Variants in SPAG16 observed in about 807,000 individuals in gnomAD.
SPAG16 encodes sperm-associated antigen 16 protein.
In SPAG16, 86 loss-of-function variants were observed where a neutral mutation model predicts 80.4. The ratio of observed to expected loss-of-function variants is 1.07; its 90% CI spans 0.90 to 1.28. The LOEUF (loss-of-function observed/expected upper bound fraction) is 1.28, where lower values mean the gene tolerates loss of function less well. Ranked by LOEUF, SPAG16 falls within the 50% of genes most tolerant of loss-of-function variation. The pLI is 0.00. For synonymous variants in SPAG16, 294 were observed against 265.9 expected (o/e 1.11, Z -1.03); for missense variants, 870 against 765.3 (o/e 1.14, Z -1.61).
chr2:213,851,466 C>CACTG (rs2074903359), intron 10 of SPAG16, among the ~76,000 whole-genome samples: 1 of 152,138 alleles, frequency 6.6e-6, no homozygotes, highest in Non-Finnish European at 1.5e-5. Context: ...CAAGATTGCG[C>CACTG]CACTGCACTC....
chr2:213,430,059 C>A (rs1031988836), intron 9 of SPAG16, among the ~76,000 whole-genome samples: 6 of 151,994 alleles, frequency 3.9e-5, no homozygotes, highest in African/African-American at 1.5e-4. Flanking sequence ...CAATGAGTTG[C>A]AAGAGAAATC....
At chr2:213,505,901 T>C (rs1239378938) in intron 10 of SPAG16, among the ~76,000 whole-genome samples, 2 of 151,786 alleles carry the variant, frequency 1.3e-5, no homozygotes, top group Non-Finnish European at 2.9e-5. Context: ...CTTGTTTATA[T>C]ATCTGATTAA....
intron 14 of SPAG16, among the ~76,000 whole-genome samples, chr2:214,127,925 A>G (rs2054576447): frequency 6.6e-6 from 1 of 151,976 alleles, no homozygotes; most frequent in Non-Finnish European, 1.5e-5. Context: ...GTGGTGAGAT[A>G]GAAACAGACT....
Position 213,864,201 on chromosome 2 carries a change from G to A in SPAG16, c.1214+1573G>A, listed in dbSNP as rs148723885. Reference sequence around the variant, plus strand: ...CTTGTATGCAAACCAACACTAAATAGCAAATGAATATGAAAAAATATATAT... The same window carrying A: ...CTTGTATGCAAACCAACACTAAATAACAAATGAATATGAAAAAATATATAT... On this transcript the variant is annotated intron_variant, in intron 11 of 15. Transcript: ENST00000331683. 2.6e-3 allele frequency among the ~76,000 whole-genome samples: 400 copies of A among 152,020 alleles called. 1 individual carries two copies. The highest frequency in any genetic ancestry group is 9.2e-3 in the African/African-American group (380 of 41,498).
At chr2:214,008,070 A>AT (rs1238251604) in intron 12 of SPAG16, among the ~76,000 whole-genome samples, 1 of 151,798 alleles carries the variant, frequency 6.6e-6, no homozygotes, top group East Asian at 1.9e-4. Flanking sequence ...GTTTTTCAAT[A>AT]TTTTTTCTGT....
chr2:214,405,782 A>C (rs1701961897), intron 15 of SPAG16, among the ~76,000 whole-genome samples: 1 of 152,190 alleles, frequency 6.6e-6, no homozygotes, highest in Non-Finnish European at 1.5e-5. Flanking sequence ...GGGCAATAAG[A>C]GTGAAACTCC....
intron 15 of SPAG16, among the ~76,000 whole-genome samples, chr2:214,396,150 C>A (rs1268481936): frequency 6.6e-6 from 1 of 152,048 alleles, no homozygotes; most frequent in Non-Finnish European, 1.5e-5. Context: ...AGGTTGTTTT[C>A]TTATTCTTGA....
At chr2:214,165,872 C>T (rs967912933) in intron 15 of SPAG16, among the ~76,000 whole-genome samples, 3 of 151,936 alleles carry the variant, frequency 2.0e-5, no homozygotes, top group South Asian at 2.1e-4. Context: ...TTAGCTTTCT[C>T]GTGAAAAAAT....
chr2:213,594,616 G>A (rs2060823314), intron 10 of SPAG16, among the ~76,000 whole-genome samples: 1 of 151,986 alleles, frequency 6.6e-6, no homozygotes, highest in South Asian at 2.1e-4. Context: ...TTCTCTTTGG[G>A]TTTCACTAAG....
chr2:214,008,461 G>A (rs1445679553), intron 12 of SPAG16, among the ~76,000 whole-genome samples: 1 of 151,954 alleles, frequency 6.6e-6, no homozygotes, highest in Non-Finnish European at 1.5e-5. Context: ...ATTACATGCT[G>A]GGGCTGGGTG....
intron 10 of SPAG16, among the ~76,000 whole-genome samples, chr2:213,855,526 CT>C (rs922531590): frequency 1.3e-4 from 19 of 151,854 alleles, no homozygotes; most frequent in African/African-American, 4.1e-4. Context: ...ATAGTTACTA[CT>C]TTTTTTTTCT....
At chr2:213,633,908 G>A (rs764119078) in intron 10 of SPAG16, among the ~76,000 whole-genome samples, 5 of 151,966 alleles carry the variant, frequency 3.3e-5, no homozygotes, top group Non-Finnish European at 5.9e-5. Context: ...TTCAGTTTAT[G>A]TGTGTCTTTG....
chr2:213,582,683 A>G (rs890379021), intron 10 of SPAG16, among the ~76,000 whole-genome samples: 1 of 152,222 alleles, frequency 6.6e-6, no homozygotes, highest in Non-Finnish European at 1.5e-5. Context: ...TAGCTGCAGT[A>G]GGTCACAGGT....
intron 10 of SPAG16, among the ~76,000 whole-genome samples, chr2:213,515,893 T>C (rs1342377922): frequency 6.6e-6 from 1 of 152,130 alleles, no homozygotes; most frequent in Non-Finnish European, 1.5e-5. Context: ...ATCACAGAGT[T>C]TCAGCCCTCC....
chr2:213,366,157 AAAG>A (rs2066278813), intron 8 of SPAG16, among the ~76,000 whole-genome samples: 1 of 151,272 alleles, frequency 6.6e-6, no homozygotes, highest in Non-Finnish European at 1.5e-5. Context: ...AAAAAAAAAA[AAAG>A]AAGAAAGATA....
At position 213,930,107 on chromosome 2, in the gene SPAG16, C is replaced by T; in HGVS notation, c.1362C>T (p.Ser454=). The T allele has an allele frequency of 6.2e-7, 1 of 1,613,906 alleles. No individual in the cohort carries two copies. The highest frequency in any genetic ancestry group is 8.5e-7 in the Non-Finnish European group (1 of 1,179,898). Residue 454 remains serine (S), a synonymous_variant, in exon 12 of 16, where the codon TCC becomes TCT. Coordinates refer to ENST00000331683, the MANE Select transcript of SPAG16 (RefSeq NM_024532.5). The part of the protein sequence containing the change: ...WHSCGNFVAS[S]SLDKTSKIWD... Reference sequence around the variant, plus strand: ...CCTGCGGCAATTTTGTGGCTTCCTCCTCACTGGATAAAACTAGCAAAATTT... The same window carrying T: ...CCTGCGGCAATTTTGTGGCTTCCTCTTCACTGGATAAAACTAGCAAAATTT...
At chr2:214,358,439 A>G (rs1020468679) in intron 15 of SPAG16, among the ~76,000 whole-genome samples, 1 of 151,952 alleles carries the variant, frequency 6.6e-6, no homozygotes, top group South Asian at 2.1e-4. Flanking sequence ...TCTCCCATGC[A>G]TGCCAATTAA....
intron 15 of SPAG16, among the ~76,000 whole-genome samples, chr2:214,371,685 ATTTT>A (rs368005487): frequency 7.0e-6 from 1 of 143,024 alleles, no homozygotes; most frequent in Non-Finnish European, 1.5e-5. Context: ...ATAGATAATA[ATTTT>A]TTTTTTTTTG....
At chr2:213,471,747 C>T (rs1406768740) in intron 9 of SPAG16, among the ~76,000 whole-genome samples, 1 of 152,198 alleles carries the variant, frequency 6.6e-6, no homozygotes, top group Non-Finnish European at 1.5e-5. Flanking sequence ...CCACTCAAAA[C>T]TGGCAGCCTT....
Sources: allele counts gnomAD v4.1 joint callset (sites outside exome capture counted in the v4.1 genomes callset), GRCh38; gene constraint gnomAD v4.1.1; transcripts MANE v1.5; gene names NCBI Gene and HGNC (gene_info 2026-07-23, HGNC 2026-07-21).